MND1: variants seen among roughly 807,000 people sequenced by gnomAD.
MND1 encodes meiotic nuclear divisions 1.
In MND1, 28 loss-of-function variants were observed where a neutral mutation model predicts 35.1. The ratio of observed to expected loss-of-function variants is 0.80; its 90% CI spans 0.59 to 1.09. The LOEUF (loss-of-function observed/expected upper bound fraction) is 1.09. MND1 is among the 50% of genes least tolerant of loss of function. The pLI is 0.00. For synonymous variants in MND1, 69 were observed against 70.5 expected, an observed-to-expected ratio of 0.98 and a Z score of 0.11; for missense variants, 213 against 239.6, an observed-to-expected ratio of 0.89 and a Z score of 0.73.
intron 4 of MND1, among the ~76,000 whole-genome samples, chr4:153,379,042 A>C (rs1728589576): frequency 6.6e-6 from 1 of 152,150 alleles, no homozygotes; most frequent in African/African-American, 2.4e-5. Flanking sequence ...TAATCCCAGC[A>C]CTTTGGGAGG....
intron 7 of MND1, among the ~76,000 whole-genome samples, chr4:153,411,763 C>CT (rs1251204766): frequency 1.3e-5 from 2 of 152,182 alleles, no homozygotes; most frequent in East Asian, 3.8e-4. Context: ...TCCTAGAAAT[C>CT]TTTCTGTATT....
intron 4 of MND1, among the ~76,000 whole-genome samples, chr4:153,360,050 G>A (rs1412245139): frequency 6.6e-6 from 1 of 152,010 alleles, no homozygotes; most frequent in Non-Finnish European, 1.5e-5. Flanking sequence ...GCCTCCCAAA[G>A]TGCTGGGATT....
At chr4:153,409,655 C>T (rs1287028570) in intron 7 of MND1, among the ~76,000 whole-genome samples, 1 of 152,170 alleles carries the variant, frequency 6.6e-6, no homozygotes, top group African/African-American at 2.4e-5. Context: ...CCAGGTTTCT[C>T]TGACTCCCTG....
chr4:153,345,517 C>T (rs1773053950), intron 1 of MND1: 2 of 985,346 alleles, frequency 2.0e-6, no homozygotes, highest in South Asian at 9.4e-5. Context: ...GTAAGATCGG[C>T]TTTGTGAGCT....
At chr4:153,385,429 G>A (rs1728825586) in intron 4 of MND1, among the ~76,000 whole-genome samples, 1 of 152,122 alleles carries the variant, frequency 6.6e-6, no homozygotes, top group East Asian at 1.9e-4. Flanking sequence ...CAAAAGTAGA[G>A]TATGGTCCAG....
intron 4 of MND1, among the ~76,000 whole-genome samples, chr4:153,366,480 CTGTT>C (rs1773640231): frequency 6.6e-6 from 1 of 152,184 alleles, no homozygotes; most frequent in African/African-American, 2.4e-5. Context: ...TTTGAAGTGA[CTGTT>C]AGACAAAGAA....
intron 2 of MND1, among the ~76,000 whole-genome samples, chr4:153,352,464 T>C (rs1773239103): frequency 6.6e-6 from 1 of 152,208 alleles, no homozygotes; most frequent in African/African-American, 2.4e-5. Context: ...GACCTCTCTA[T>C]GTCTGTTTCT....
At chr4:153,359,999 C>A (rs1367047058) in intron 4 of MND1, among the ~76,000 whole-genome samples, 1 of 151,942 alleles carries the variant, frequency 6.6e-6, no homozygotes, top group African/African-American at 2.4e-5. Context: ...GATGGCCAAG[C>A]TGGTCTTGAA....
chr4:153,351,257 T>G (rs1027407167), intron 2 of MND1, among the ~76,000 whole-genome samples: 1 of 152,220 alleles, frequency 6.6e-6, no homozygotes, highest in African/African-American at 2.4e-5. Flanking sequence ...ATATAAAAAT[T>G]GGCTGTTTCT....
intron 2 of MND1, among the ~76,000 whole-genome samples, chr4:153,351,606 A>G (rs192121836): frequency 1.5e-4 from 23 of 152,388 alleles, no homozygotes; most frequent in African/African-American, 5.5e-4. Flanking sequence ...TTGCTTCAAC[A>G]TCTCAAAGCA....
chr4:153,412,809 CTTT>C (rs112832041), intron 7 of MND1, among the ~76,000 whole-genome samples: 3 of 127,190 alleles, frequency 2.4e-5, no homozygotes, highest in Admixed American at 8.1e-5. Flanking sequence ...TCTTTTTTTT[CTTT>C]TTTTTTTTTT....
chr4:153,355,720 C>A lies in MND1; in HGVS notation c.127+9C>A. On this transcript the variant is annotated intron_variant, in intron 3 of 7. Transcript: ENST00000240488. ...CAAAGAGAAAGGCATTAGTAAGTAC[C>A]AAAGTTATACTGGAATGTTTTGGGA... is the stretch of plus-strand genomic sequence containing the variant. The A allele has an allele frequency of 6.6e-7, 1 of 1,516,820 alleles. No individual in the cohort carries two copies. The highest frequency in any genetic ancestry group is 9.1e-7 in the Non-Finnish European group (1 of 1,096,730). The allele number at this position is 1,516,820 out of a possible 1,614,324, so 94.0% of individuals were successfully genotyped here.
intron 3 of MND1, 94 bp from the exon 4 acceptor site, chr4:153,358,380 G>A: frequency 5.7e-6 from 6 of 1,053,554 alleles, no homozygotes; most frequent in Non-Finnish European, 7.9e-6. Flanking sequence ...CTCTTGATTT[G>A]TGATATGTTT....
intron 4 of MND1, among the ~76,000 whole-genome samples, chr4:153,363,232 A>G (rs914825394): frequency 7.2e-6 from 1 of 139,518 alleles, no homozygotes; most frequent in African/African-American, 2.7e-5. Flanking sequence ...TTTTTTTGAG[A>G]TGGAGTTTCG....
chr4:153,412,940 G>A (rs1729729372), intron 7 of MND1, among the ~76,000 whole-genome samples: 1 of 151,536 alleles, frequency 6.6e-6, no homozygotes, highest in South Asian at 2.1e-4. Flanking sequence ...GAATAGCTGG[G>A]ACTACAGGCG....
At chr4:153,349,562 G>T (rs77568807) in intron 1 of MND1, among the ~76,000 whole-genome samples, 2,516 of 152,218 alleles carry the variant, frequency 0.017, 42 homozygotes, top group East Asian at 0.056. Context: ...GGAATTCCAT[G>T]TACTTCCATA....
intron 4 of MND1, among the ~76,000 whole-genome samples, chr4:153,359,259 C>T (rs1017150588): frequency 1.3e-5 from 2 of 152,190 alleles, no homozygotes; most frequent in Non-Finnish European, 2.9e-5. Flanking sequence ...ATAGTTTTAC[C>T]TTTTCCATAT....
At chr4:153,356,496 T>G (rs999494177) in intron 3 of MND1, among the ~76,000 whole-genome samples, 3 of 129,856 alleles carry the variant, frequency 2.3e-5, no homozygotes, top group Non-Finnish European at 4.6e-5. Context: ...GAGCTTGCAG[T>G]GAGCCGAGAT....
chr4:153,395,785 A>G (rs1729182935), intron 5 of MND1, among the ~76,000 whole-genome samples: 1 of 152,226 alleles, frequency 6.6e-6, no homozygotes, highest in African/African-American at 2.4e-5. Flanking sequence ...GTGATTGTCT[A>G]AGATTGTTTC....
Sources: gnomAD v4.1 joint callset for allele counts (sites outside exome capture counted in the v4.1 genomes callset) on GRCh38, gnomAD v4.1.1 for gene constraint, MANE v1.5 for transcripts, NCBI Gene and HGNC (gene_info 2026-07-23, HGNC 2026-07-21) for gene names.